ADAMTS14: variants seen among roughly 807,000 people sequenced by gnomAD.
The protein encoded by ADAMTS14 is A disintegrin and metalloproteinase with thrombospondin motifs 14.
ADAMTS14 carries 100 observed loss-of-function variants against 128.6 expected under a neutral mutation model. That is an observed-to-expected ratio of 0.78 (90% CI 0.66 to 0.92). ADAMTS14 has a LOEUF of 0.92. ADAMTS14 is among the 40% of genes least tolerant of loss of function. The pLI, the probability that ADAMTS14 is intolerant of heterozygous loss-of-function variation, is 0.00. For synonymous variants in ADAMTS14, 665 were observed against 653.8 expected (o/e 1.02, Z -0.26); for missense variants, 1,562 against 1,658.6 (o/e 0.94, Z 1.01).
chr10:70,748,798 G>A (rs7921298), intron 15 of ADAMTS14, among the ~76,000 whole-genome samples: 10,851 of 152,264 alleles, frequency 0.071, 404 homozygotes, highest in African/African-American at 0.089. Context: ...TGGGAGCTCT[G>A]TGGGCCCTTC....
chr10:70,728,330 GTTA>G (rs1320871951), intron 4 of ADAMTS14, among the ~76,000 whole-genome samples: 5 of 152,204 alleles, frequency 3.3e-5, no homozygotes, highest in Admixed American at 6.5e-5. Context: ...GTTAACTGTA[GTTA>G]TTATTAAGTC....
At chr10:70,672,934 G>T in intron 1 of ADAMTS14, 50 bp downstream of exon 1, 2 of 1,396,842 alleles carry the variant, frequency 1.4e-6, no homozygotes, top group African/African-American at 1.5e-5. Flanking sequence ...GGGTGCACGC[G>T]GTCAGGGTGG....
In ADAMTS14 at chr10:70,753,916, C is replaced by T. The variant is rs750772332; in HGVS notation, c.2846C>T (p.Ala949Val). 25 of 1,591,108 alleles carry T rather than the reference C, an allele frequency of 1.6e-5. 1 individual carries two copies. The East Asian group carries it at 5.0e-4, about 32-fold the overall frequency. Reference protein sequence around the residue: ...LSNGTHKVMPAKACAGDRPEA... With the variant: ...LSNGTHKVMPVKACAGDRPEA... ...AATGGAACCCACAAGGTCATGCCGGCCAAAGCCTGCGCCGGGGACCGGCCT... is the reference window on the plus strand; with the variant it reads ...AATGGAACCCACAAGGTCATGCCGGTCAAAGCCTGCGCCGGGGACCGGCCT... Residue 949 changes from alanine (A) to valine (V), a missense_variant, in exon 19 of 22, where the codon GCC becomes GTC. Physicochemically the swap from Ala to Val is moderately conservative, Grantham distance 64. Transcript: ENST00000373207.
rs534062080 is a variant in ADAMTS14, at chr10:70,746,588, G to A, written c.2263+1282G>A. On this transcript the variant is annotated intron_variant, in intron 15 of 21. Coordinates refer to ENST00000373207, the MANE Select transcript of ADAMTS14 (RefSeq NM_080722.4). Reference sequence around the variant, plus strand: ...TTTGGGAGGCCAAGGTGGGTGGATCGCTTGAGCTCAGAAGTTTGAGATCAG... The same window carrying A: ...TTTGGGAGGCCAAGGTGGGTGGATCACTTGAGCTCAGAAGTTTGAGATCAG... Among the ~76,000 whole-genome samples, 6 of 152,288 alleles carry A rather than the reference G, an allele frequency of 3.9e-5. No individual in the cohort carries two copies. In the South Asian group the frequency reaches 1.0e-3, roughly 26 times the overall value.
intron 10 of ADAMTS14, among the ~76,000 whole-genome samples, chr10:70,738,615 T>C (rs958939328): frequency 1.3e-5 from 2 of 152,236 alleles, no homozygotes; most frequent in African/African-American, 4.8e-5. Flanking sequence ...CCTTGTATAC[T>C]GGGTATGATC....
chr10:70,677,301 A>G (rs1839674751), intron 2 of ADAMTS14, among the ~76,000 whole-genome samples: 1 of 152,094 alleles, frequency 6.6e-6, no homozygotes. Context: ...GATTCCTCAG[A>G]GGGTGTTGCT....
intron 15 of ADAMTS14, among the ~76,000 whole-genome samples, chr10:70,749,136 C>A (rs770195405): frequency 3.9e-5 from 6 of 152,198 alleles, no homozygotes; most frequent in Non-Finnish European, 2.9e-5. Context: ...GTGGCATCTG[C>A]AATCACAGCA....
chr10:70,721,973 A>G (rs979384130), intron 4 of ADAMTS14, among the ~76,000 whole-genome samples: 6 of 152,128 alleles, frequency 3.9e-5, no homozygotes, highest in Non-Finnish European at 7.4e-5. Flanking sequence ...GGAGGTGTCA[A>G]TGGGAGGTTT....
rs115288946 is a variant in ADAMTS14 at position 70,715,793 on chromosome 10, G to T, written c.870+7015G>T. Among the ~76,000 whole-genome samples, 6 of 152,154 alleles carry T rather than the reference G, an allele frequency of 3.9e-5. No homozygotes were observed. In the East Asian group the frequency reaches 9.6e-4, roughly 24 times the overall value. ...GCCTGAAACGTGATGCATTCAGAAG[G>T]GGGTAGGAAGCCCTCCAATCTGGAG... On this transcript the variant is annotated intron_variant, in intron 4 of 21. Coordinates refer to ENST00000373207, the MANE Select transcript of ADAMTS14 (RefSeq NM_080722.4).
At chr10:70,733,342 G>A (rs1841709794) in intron 7 of ADAMTS14, among the ~76,000 whole-genome samples, 1 of 152,216 alleles carries the variant, frequency 6.6e-6, no homozygotes, top group Admixed American at 6.5e-5. Flanking sequence ...ATTATGGTAG[G>A]TGCCTACCAT....
chr10:70,681,177 G>A (rs961154576), intron 2 of ADAMTS14, among the ~76,000 whole-genome samples: 8 of 152,180 alleles, frequency 5.3e-5, no homozygotes, highest in Non-Finnish European at 8.8e-5. Context: ...ACCATACTAA[G>A]CTTCAGTGAT....
At chr10:70,706,446 T>G (rs1307771674) in intron 3 of ADAMTS14, among the ~76,000 whole-genome samples, 1 of 152,234 alleles carries the variant, frequency 6.6e-6, no homozygotes, top group Non-Finnish European at 1.5e-5. Flanking sequence ...GAGTGACTGT[T>G]ATTTTTCTCC....
chr10:70,757,234 G>T (rs1037425104), intron 19 of ADAMTS14, among the ~76,000 whole-genome samples: 3 of 152,148 alleles, frequency 2.0e-5, no homozygotes, highest in South Asian at 2.1e-4. Flanking sequence ...GACGATGTGT[G>T]TGGCCACCCC....
At chr10:70,757,349 G>A (rs1241071737) in intron 19 of ADAMTS14, among the ~76,000 whole-genome samples, 1 of 152,138 alleles carries the variant, frequency 6.6e-6, no homozygotes, top group African/African-American at 2.4e-5. Flanking sequence ...GCAGGCCCAT[G>A]TTTGGTAAAT....
At chr10:70,735,646 G>A (rs1205280442) in intron 9 of ADAMTS14, among the ~76,000 whole-genome samples, 2 of 152,210 alleles carry the variant, frequency 1.3e-5, no homozygotes, top group African/African-American at 4.8e-5. Flanking sequence ...ACACCCTCCG[G>A]GGATGTGCCA....
chr10:70,686,997 GGGGCGGCC>G, intron 2 of ADAMTS14, among the ~76,000 whole-genome samples: 2 of 117,846 alleles, frequency 1.7e-5, no homozygotes, highest in African/African-American at 5.9e-5. Flanking sequence ...CTTCCCAGTA[GGGGCGGCC>G]GGGCAGAGGC....
intron 6 of ADAMTS14, among the ~76,000 whole-genome samples, chr10:70,731,946 T>A (rs549456347): frequency 6.6e-6 from 1 of 152,342 alleles, no homozygotes; most frequent in South Asian, 2.1e-4. Flanking sequence ...GCTGATTGAC[T>A]GTGGGACTGG....
intron 4 of ADAMTS14, among the ~76,000 whole-genome samples, chr10:70,725,524 C>T (rs939455162): frequency 5.9e-5 from 9 of 152,132 alleles, no homozygotes; most frequent in East Asian, 1.9e-4. Flanking sequence ...GGTGAGAGCC[C>T]GCCCACTTTC....
chr10:70,743,237 G>GT (rs1483167468), intron 12 of ADAMTS14, among the ~76,000 whole-genome samples: 2 of 152,212 alleles, frequency 1.3e-5, no homozygotes, highest in Non-Finnish European at 2.9e-5. Flanking sequence ...CTAGTACATA[G>GT]TAAGCATTCA....
Sources: gnomAD v4.1 joint callset for allele counts (sites outside exome capture counted in the v4.1 genomes callset) on GRCh38, gnomAD v4.1.1 for gene constraint, MANE v1.5 for transcripts, NCBI Gene and HGNC (gene_info 2026-07-23, HGNC 2026-07-21) for gene names.